Variants in SCN9A observed in about 807,000 individuals in gnomAD.
The protein encoded by SCN9A is sodium channel protein type 9 subunit alpha.
A neutral mutation model predicts 187.0 loss-of-function variants in SCN9A; 131 were observed. That is an observed-to-expected ratio of 0.70 (90% CI 0.61 to 0.81). The LOEUF is 0.81. SCN9A is among the 30% of genes least tolerant of loss of function. SCN9A has a pLI of 0.00. For missense variants in SCN9A, 2,252 were observed against 2,396.6 expected (o/e 0.94, Z 1.26); for synonymous variants, 809 against 808.6 (o/e 1.00, Z -0.01).
At chr2:166,284,855 T>C (rs1421706035) in intron 11 of SCN9A, 31 bp from the exon 12 acceptor site, 1 of 1,549,358 alleles carries the variant, frequency 6.5e-7, no homozygotes, top group Admixed American at 2.0e-5. Flanking sequence ...ACGTGGTTGC[T>C]GAAGCACCTA....
chr2:166,200,020 C>T (rs62176595), intron 26 of SCN9A, among the ~76,000 whole-genome samples, 156 bp from the exon 27 acceptor site: 13 of 29,904 alleles, frequency 4.3e-4, no homozygotes, highest in African/African-American at 7.8e-4. Context: ...TTTTTTGAGA[C>T]GGAGTCTCGC....
chr2:166,247,171 A>AG (rs1328586719), intron 18 of SCN9A, among the ~76,000 whole-genome samples: 1 of 150,022 alleles, frequency 6.7e-6, no homozygotes, highest in Admixed American at 6.6e-5. Flanking sequence ...AAAAAAAAAA[A>AG]AAAAAAAAGG....
In SCN9A at chr2:166,272,639, A is replaced by G. The variant is rs767593987; in HGVS notation, c.3111T>C (p.Tyr1037=). 1.2e-6 allele frequency: 2 copies of G among 1,613,074 alleles called. No homozygotes were observed. The highest frequency in any genetic ancestry group is 1.7e-6 in the Non-Finnish European group (2 of 1,179,602). The change falls in exon 17 of 27, where the codon TAT becomes TAC. Residue 1037 remains tyrosine, a synonymous_variant. Transcript: ENST00000642356. The part of the protein sequence containing the change: ...AEDLNTKKEN[Y]ISNHTLAEMS... ...TTTCAGCAAGTGTATGGTTAGAAAT[A>G]TAGTTTTCCTTCTTAGTATTCAGAT... is the stretch of plus-strand genomic sequence containing the variant.
rs184525265 is a variant in SCN9A, at chr2:166,353,602, A to G, written c.-51+22095T>C. On this transcript the variant is annotated intron_variant, in intron 1 of 26. Transcript: ENST00000642356. ...TGTTCCCTTTATCTGAACAGTTTCAACTATCCTGATCACCTGATTACTTGC... is the reference window on the plus strand; with the variant it reads ...TGTTCCCTTTATCTGAACAGTTTCAGCTATCCTGATCACCTGATTACTTGC... Among the ~76,000 whole-genome samples the G allele has an allele frequency of 2.7e-3, 418 of 152,290 alleles. 2 individuals carry two copies. The highest frequency in any genetic ancestry group is 0.024 in the Middle Eastern group (7 of 294).
chr2:166,282,484 T>G (rs192749131), intron 12 of SCN9A, among the ~76,000 whole-genome samples: 187 of 152,184 alleles, frequency 1.2e-3, no homozygotes, highest in African/African-American at 4.3e-3. Context: ...GTGTATTTAT[T>G]TTTGTGAGAA....
At chr2:166,230,362 C>G (rs919751003) in intron 21 of SCN9A, among the ~76,000 whole-genome samples, 2 of 152,046 alleles carry the variant, frequency 1.3e-5, no homozygotes, top group Admixed American at 6.6e-5. Context: ...GTCTATGTGA[C>G]CTCAAAAAAG....
At chr2:166,247,177 A>AAAAG (rs1695828159) in intron 18 of SCN9A, among the ~76,000 whole-genome samples, 2 of 149,634 alleles carry the variant, frequency 1.3e-5, no homozygotes, top group Non-Finnish European at 3.0e-5. Flanking sequence ...AAAAAAAAAA[A>AAAAG]AAGGAAAGGA....
chr2:166,345,543 A>C (rs771984656), intron 1 of SCN9A, among the ~76,000 whole-genome samples: 1 of 152,212 alleles, frequency 6.6e-6, no homozygotes, highest in Non-Finnish European at 1.5e-5. Flanking sequence ...AGTAGGGAAA[A>C]GGGGTTTATT....
At chr2:166,272,985 C>T (rs1011082410) in intron 16 of SCN9A, 110 bp from the exon 17 acceptor site, 37 of 515,570 alleles carry the variant, frequency 7.2e-5, no homozygotes, top group Admixed American at 2.7e-4. Flanking sequence ...AAACCAGCAA[C>T]GAAGATTTCT....
chr2:166,248,911 C>T (rs1004349831), intron 18 of SCN9A, among the ~76,000 whole-genome samples: 25 of 151,966 alleles, frequency 1.6e-4, no homozygotes, highest in Non-Finnish European at 1.0e-4. Context: ...CTCAAGTGAT[C>T]GCCCACCTCG....
intron 18 of SCN9A, among the ~76,000 whole-genome samples, chr2:166,249,560 T>C (rs1482445089): frequency 2.0e-5 from 3 of 152,118 alleles, no homozygotes; most frequent in African/African-American, 7.2e-5. Flanking sequence ...GCTCCCTCAG[T>C]AAATTTCAAT....
chr2:166,270,286 ATTTACT>A (rs1387610921), intron 17 of SCN9A, among the ~76,000 whole-genome samples: 1 of 151,908 alleles, frequency 6.6e-6, no homozygotes, highest in African/African-American at 2.4e-5. Flanking sequence ...TGTGTCAGTG[ATTTACT>A]TTTACATTAT....
At chr2:166,215,616 T>C (rs1237885979) in intron 24 of SCN9A, among the ~76,000 whole-genome samples, 1 of 151,924 alleles carries the variant, frequency 6.6e-6, no homozygotes, top group East Asian at 1.9e-4. Context: ...AATCATAAAC[T>C]ATTAATGTGA....
intron 7 of SCN9A, among the ~76,000 whole-genome samples, chr2:166,300,591 C>T (rs1698511097): frequency 6.6e-6 from 1 of 150,660 alleles, no homozygotes; most frequent in African/African-American, 2.5e-5. Context: ...TCTGTGAAAG[C>T]AAGGGCTGAG....
chr2:166,355,612 C>G (rs1241188723), intron 1 of SCN9A, among the ~76,000 whole-genome samples: 1 of 150,382 alleles, frequency 6.6e-6, no homozygotes, highest in Admixed American at 6.6e-5. Flanking sequence ...TTAACTTTGT[C>G]TTTACTAAAA....
At chr2:166,342,799 G>C (rs1275062167) in intron 1 of SCN9A, among the ~76,000 whole-genome samples, 1 of 152,024 alleles carries the variant, frequency 6.6e-6, no homozygotes, top group Non-Finnish European at 1.5e-5. Context: ...AACTTTTAAA[G>C]ATAAGAATGA....
In SCN9A at chr2:166,286,530, A is replaced by G. The variant is rs764930552; in HGVS notation, c.1408T>C (p.Ser470Pro). ...ESSSETSKLSSKSAKERRNRR... is the reference protein window; with the variant it reads ...ESSSETSKLSPKSAKERRNRR... ...TTTCTTCTTTCTTTAGCACTTTTAG[A>G]GCTCAGTTTGGATGTTTCAGAAGAA... The change falls in exon 11 of 27, where the codon TCT becomes CCT. Residue 470 changes from serine (S) to proline (P), a missense_variant. Physicochemically the swap from Ser to Pro is moderately conservative, Grantham distance 74 (BLOSUM62 -1). This residue lies in a region of SCN9A where 1,013 missense variants were observed against 997.4 expected (regional missense o/e 1.02). Transcript: ENST00000642356. The G allele has an allele frequency of 3.7e-6, 6 of 1,611,916 alleles. No homozygotes were observed. In the African/African-American group the frequency reaches 6.7e-5, roughly 18 times the overall value.
chr2:166,368,556 C>A (rs761565126), intron 1 of SCN9A, among the ~76,000 whole-genome samples: 57 of 152,042 alleles, frequency 3.7e-4, no homozygotes, highest in Non-Finnish European at 6.9e-4. Flanking sequence ...TCACTTGAAT[C>A]TGGGAGGCAG....
intron 1 of SCN9A, among the ~76,000 whole-genome samples, chr2:166,340,667 C>A (rs1041282358): frequency 3.3e-5 from 5 of 151,124 alleles, no homozygotes; most frequent in African/African-American, 9.7e-5. Flanking sequence ...GTCACCCAGG[C>A]TGTAGTGCAG....
Sources: allele counts gnomAD v4.1 joint callset (sites outside exome capture counted in the v4.1 genomes callset), GRCh38; gene constraint gnomAD v4.1.1; regional missense constraint gnomAD v4.1.1; transcripts MANE v1.5; gene names NCBI Gene and HGNC (gene_info 2026-07-23, HGNC 2026-07-21).